The following SCARF2 variants were observed in gnomAD, a reference collection of about 807,000 sequenced individuals.
The protein encoded by SCARF2 is scavenger receptor class F member 2.
A neutral mutation model predicts 73.4 loss-of-function variants in SCARF2; 39 were observed. That is an observed-to-expected ratio of 0.53 (90% CI 0.41 to 0.69). The LOEUF is 0.69. SCARF2 is among the 30% of genes least tolerant of loss of function. The pLI is 0.00. For synonymous variants in SCARF2, 605 were observed against 590.0 expected (o/e 1.03, Z -0.37); for missense variants, 1,148 against 1,303.5 (o/e 0.88, Z 1.84).
In SCARF2 at chr22:20,437,580, AC is replaced by A; in HGVS notation, c.173+1del. 6.4e-7 allele frequency: 1 copy of A among 1,572,604 alleles called. No individual in the cohort carries two copies. Reference sequence around the variant, plus strand: ...CCCTCCCCCAGCCAGGCCGGCTCCTACCCGGGAGCACGGCACACGTTGCGGC... The same window carrying A: ...CCCTCCCCCAGCCAGGCCGGCTCCTACCGGGAGCACGGCACACGTTGCGGC... On this transcript the variant is annotated splice_donor_variant, in intron 1 of 10. Transcript: ENST00000622235. LOFTEE classifies it high-confidence loss of function.
At position 20,437,582 on chromosome 22, in the gene SCARF2, C is replaced by T; in HGVS notation, c.173G>A (p.Gly58Asp). ...CTCCCCCAGCCAGGCCGGCTCCTAC[C>T]CGGGAGCACGGCACACGTTGCGGCC... ...PRGRNVCRAP[G>D]SQVPTCCAGW... The change falls in exon 1 of 11, where the codon GGC (glycine) becomes GAC (aspartate). Residue 58 changes from glycine (G) to aspartate (D), a missense_variant and splice_region_variant. Transcript: ENST00000622235. 1 of 1,574,216 alleles carries T rather than the reference C, an allele frequency of 6.4e-7. No homozygotes were observed. The highest frequency in any genetic ancestry group is 2.0e-4 in the Middle Eastern group (1 of 4,880).
At position 20,430,912 on chromosome 22, in the gene SCARF2, G is replaced by C. The variant is rs1056874161; in HGVS notation, c.855-4C>G. On this transcript the variant is annotated splice_polypyrimidine_tract_variant and splice_region_variant and intron_variant, in intron 4 of 10. Transcript: ENST00000622235. ...CTGGCCCTTGCACTGGCCACACCTG[G>C]GGGAGGGGTCGGAGGCTAGGGAAGG... is the stretch of plus-strand genomic sequence containing the variant. The C allele has an allele frequency of 1.3e-6, 2 of 1,589,860 alleles. No individual in the cohort carries two copies. Among genetic ancestry groups the C allele is most frequent in the African/African-American group, 1.3e-5 (1 of 74,708 alleles).
chr22:20,437,733 C>G lies in SCARF2; in HGVS notation c.22G>C (p.Gly8Arg). The change falls in exon 1 of 11, where the codon GGG becomes CGG. Residue 8 changes from glycine (G) to arginine (R), a missense_variant. By Grantham distance (125) the Gly-to-Arg change is moderately radical (BLOSUM62 -2). This residue lies in a region of SCARF2 where 124 missense variants were observed against 120.4 expected (regional missense o/e 1.03). Coordinates refer to ENST00000622235, the MANE Select transcript of SCARF2 (RefSeq NM_182895.5). MEGAGPRGAGPARRRGAG... is the reference protein window; with the variant it reads MEGAGPRRAGPARRRGAG... ...CCCCGGCGCCGCGCCGGCCCGGCCC[C>G]CCGGGGCCCTGCGCCCTCCATGAGG... The G allele has an allele frequency of 8.0e-7, 1 of 1,249,480 alleles. No homozygotes were observed. The highest frequency in any genetic ancestry group is 3.8e-5 in the East Asian group (1 of 26,466). 77.4% of individuals were successfully genotyped at this position (1,249,480 alleles called of 1,614,324 possible). A position where few individuals can be genotyped will look rare whatever the true frequency, so the allele number is the denominator to read the frequency against.
chr22:20,425,316 T>G lies in SCARF2; in HGVS notation c.*59A>C. The G allele has an allele frequency of 7.8e-7, 1 of 1,286,546 alleles. No homozygotes were observed. Among genetic ancestry groups the G allele is most frequent in the Non-Finnish European group, 1.0e-6 (1 of 1,001,906 alleles). 79.7% of individuals were successfully genotyped at this position (1,286,546 alleles called of 1,614,324 possible). ...CCCGTGCCCGGTAGCGTGGGAGGTG[T>G]GGGGTGGCGGGCGGCGCTGCGAAGC... On this transcript the variant is annotated 3_prime_UTR_variant, in exon 11 of 11. Transcript: ENST00000622235. This position sits in a 1 kb window ranked among gnomAD's most constrained non-coding sequence, Gnocchi z 4.6.
At chr22:20,426,701 G>T (rs1037430224) in intron 10 of SCARF2, among the ~76,000 whole-genome samples, 1 of 151,966 alleles carries the variant, frequency 6.6e-6, no homozygotes, top group African/African-American at 2.4e-5. Flanking sequence ...TTGGGAGGCT[G>T]CGGTCACCTG....
intron 9 of SCARF2, among the ~76,000 whole-genome samples, chr22:20,428,755 A>G (rs2052608512): frequency 1.3e-5 from 2 of 150,646 alleles, no homozygotes; most frequent in Admixed American, 1.3e-4. Flanking sequence ...CCACCCCCCT[A>G]TCCTGTTGGT....
At position 20,437,679 on chromosome 22, in the gene SCARF2, G is replaced by T; in HGVS notation, c.76C>A (p.Pro26Thr). The T allele has an allele frequency of 1.3e-6, 2 of 1,490,150 alleles. No individual in the cohort carries two copies. Among genetic ancestry groups the T allele is most frequent in the Non-Finnish European group, 8.9e-7 (1 of 1,126,454 alleles). The allele number at this position is 1,490,150 out of a possible 1,614,324, so 92.3% of individuals were successfully genotyped here. The change falls in exon 1 of 11, where the codon CCG (proline) becomes ACG (threonine). Residue 26 changes from proline (P) to threonine (T), a missense_variant. Physicochemically the swap from Pro to Thr is conservative, Grantham distance 38. Around this residue, in one of 5 missense-constraint regions of SCARF2, gnomAD observed 124 missense variants for 120.4 expected, o/e 1.03. Transcript: ENST00000622235. ...AGCAGCAGCAGCAGCAGCAGCGACGGCAGCAGCGGTGACGGCGGCCCCCCG... is the reference window on the plus strand; with the variant it reads ...AGCAGCAGCAGCAGCAGCAGCGACGTCAGCAGCGGTGACGGCGGCCCCCCG... ...GAGGPPSPLL[P>T]SLLLLLLLWM...
Position 20,430,554 on chromosome 22 carries a change from G to C in SCARF2, c.1077C>G (p.Cys359Trp), listed in dbSNP as rs758545375. The C allele has an allele frequency of 6.2e-7, 1 of 1,611,688 alleles. No individual in the cohort carries two copies. Among genetic ancestry groups the C allele is most frequent in the Non-Finnish European group, 8.5e-7 (1 of 1,179,238 alleles). The change falls in exon 6 of 11, where the codon TGC (cysteine) becomes TGG (tryptophan). Residue 359 changes from cysteine to tryptophan, a missense_variant. Cys to Trp is a radical substitution (Grantham distance 215). Transcript: ENST00000622235. ...AAGTGCCATTGCTACACTTGGTCTC[G>C]CACCTTGGAAAGAGGGGAGGAGGCG... is the stretch of plus-strand genomic sequence containing the variant. ...RCNAGWIGDR[C>W]ETKCSNGTYG...
Position 20,426,272 on chromosome 22 carries a change from C to A in SCARF2, c.1704G>T (p.Ala568=). 3 of 1,534,140 alleles carry A rather than the reference C, an allele frequency of 2.0e-6. No individual in the cohort carries two copies. The highest frequency in any genetic ancestry group is 2.6e-6 in the Non-Finnish European group (3 of 1,146,674). The change falls in exon 11 of 11, where the codon GCG becomes GCT. Residue 568 remains alanine (A), a synonymous_variant. Transcript: ENST00000622235. ...VYCVPHEEAP[A]ESRDPEVPTV... ...TGGGGACTTCGGGGTCCCGGCTCTC[C>A]GCTGGTGCCTCTGGCAAGGGAAGAG... is the stretch of plus-strand genomic sequence containing the variant.
At chr22:20,431,664 G>C (rs1178524473) in intron 3 of SCARF2, 81 bp downstream of exon 3, 6 of 1,530,292 alleles carry the variant, frequency 3.9e-6, no homozygotes, top group Non-Finnish European at 5.3e-6. Context: ...AGGCGGATCC[G>C]ACCCCGCCCC....
rs1353849010 is a variant in SCARF2, at chr22:20,429,394, G to T, written c.1425-54C>A. 6.5e-5 allele frequency: 101 copies of T among 1,559,354 alleles called. No individual in the cohort carries two copies. Among genetic ancestry groups the T allele is most frequent in the Non-Finnish European group, 8.6e-5 (99 of 1,152,460 alleles). ...CGGGGCCGGGGCGGGGCCCAGGGGCGATTAGATCTCGGCCGGAGCCAAGCA... is the reference window on the plus strand; with the variant it reads ...CGGGGCCGGGGCGGGGCCCAGGGGCTATTAGATCTCGGCCGGAGCCAAGCA... On this transcript the variant is annotated intron_variant, in intron 8 of 10. Transcript: ENST00000622235. The surrounding 1 kb of genome is among the most constrained non-coding windows in gnomAD (Gnocchi z 5.2).
At chr22:20,430,340 G>C (rs1023992155) in intron 6 of SCARF2, 89 bp downstream of exon 6, 140 of 1,463,336 alleles carry the variant, frequency 9.6e-5, no homozygotes, top group Non-Finnish European at 1.2e-4. Context: ...TGATAACCCA[G>C]CTCAGGGTGG....
chr22:20,428,323 T>C (rs2052603878), intron 9 of SCARF2, among the ~76,000 whole-genome samples: 1 of 151,656 alleles, frequency 6.6e-6, no homozygotes, highest in African/African-American at 2.4e-5. Flanking sequence ...GTTTTGCTCT[T>C]GTTGCCCAGG....
rs200914272 is a variant in SCARF2, at chr22:20,429,528, G to A, written c.1424+8C>T. The A allele has an allele frequency of 6.2e-7, 1 of 1,612,026 alleles. No homozygotes were observed. Among genetic ancestry groups the A allele is most frequent in the Admixed American group, 1.7e-5 (1 of 59,946 alleles). On this transcript the variant is annotated splice_region_variant and intron_variant, in intron 8 of 10. Coordinates refer to ENST00000622235, the MANE Select transcript of SCARF2 (RefSeq NM_182895.5). The surrounding 1 kb of genome is among the most constrained non-coding windows in gnomAD (Gnocchi z 5.2). The stretch of plus-strand genomic sequence containing the variant: ...CCCAGGCGAAAGCGGGGCAGTATCT[G>A]GGCTCACCGGCGCGTAGGGTCCTTG...
At position 20,431,048 on chromosome 22, in the gene SCARF2, G is replaced by C; in HGVS notation, c.824C>G (p.Ala275Gly). The C allele has an allele frequency of 6.4e-7, 1 of 1,566,334 alleles. No individual in the cohort carries two copies. Among genetic ancestry groups the C allele is most frequent in the Non-Finnish European group, 8.6e-7 (1 of 1,164,024 alleles). ...RGKYCREPCP[A>G]GFYGLGCRRR... ...GCGACAGCCCAAGCCGTAGAAGCCG[G>C]CGGGGCACGGCTCGCGACAGTACTT... Residue 275 changes from alanine (A) to glycine (G), a missense_variant, in exon 4 of 11, where the codon GCC becomes GGC. Ala to Gly is a moderately conservative substitution (Grantham distance 60). This residue lies in a region of SCARF2 where 372 missense variants were observed against 532.0 expected (regional missense o/e 0.70). Transcript: ENST00000622235.
rs754177241 is a variant in SCARF2 at position 20,429,516 on chromosome 22, G to C, written c.1424+20C>G. The C allele has an allele frequency of 3.1e-6, 5 of 1,611,086 alleles. No individual in the cohort carries two copies. The South Asian group carries it at 3.3e-5, about 11-fold the overall frequency. Reference sequence around the variant, plus strand: ...GTGCGGCCTGAACCCAGGCGAAAGCGGGGCAGTATCTGGGCTCACCGGCGC... The same window carrying C: ...GTGCGGCCTGAACCCAGGCGAAAGCCGGGCAGTATCTGGGCTCACCGGCGC... On this transcript the variant is annotated intron_variant, in intron 8 of 10. Coordinates refer to ENST00000622235, the MANE Select transcript of SCARF2 (RefSeq NM_182895.5). This position sits in a 1 kb window ranked among gnomAD's most constrained non-coding sequence, Gnocchi z 5.2.
rs1409335146 is a variant in SCARF2, at chr22:20,426,049, G to C, written c.1927C>G (p.Leu643Val). The change falls in exon 11 of 11, where the codon CTG becomes GTG. Residue 643 changes from leucine (L) to valine (V), a missense_variant. Transcript: ENST00000622235. ...PARARGEIGG[L>V]SLSPSPERRK... ...CGCTCGGGCGATGGCGACAGCGACA[G>C]GCCCCCAATCTCGCCCCGGGCCCGG... is the stretch of plus-strand genomic sequence containing the variant. The C allele has an allele frequency of 6.3e-7, 1 of 1,574,914 alleles. No homozygotes were observed. Among genetic ancestry groups the C allele is most frequent in the Non-Finnish European group, 8.6e-7 (1 of 1,169,290 alleles).
In SCARF2 at chr22:20,429,693, C is replaced by T. The variant is rs760565659; in HGVS notation, c.1306+37G>A. Reference sequence around the variant, plus strand: ...GGGGTCAGCGCGGTTTCTGGCACCCCCTGCATTCCTTAACGGGACGCCCCT... The same window carrying T: ...GGGGTCAGCGCGGTTTCTGGCACCCTCTGCATTCCTTAACGGGACGCCCCT... On this transcript the variant is annotated intron_variant, in intron 7 of 10. Transcript: ENST00000622235. The surrounding 1 kb of genome is among the most constrained non-coding windows in gnomAD (Gnocchi z 5.2). The T allele has an allele frequency of 1.9e-6, 3 of 1,613,990 alleles. No homozygotes were observed. The highest frequency in any genetic ancestry group is 2.5e-6 in the Non-Finnish European group (3 of 1,179,926).
In SCARF2 at chr22:20,431,945, C is replaced by G; in HGVS notation, c.217G>C (p.Asp73His). 1 of 1,610,900 alleles carries G rather than the reference C, an allele frequency of 6.2e-7. No individual in the cohort carries two copies. The highest frequency in any genetic ancestry group is 1.3e-5 in the African/African-American group (1 of 74,840). ...ACCCACTCACCAATCCCACACTCGT[C>G]CCCTTGCTGCCTCCAGCCAGCGCAG... ...TCCAGWRQQG[D>H]ECGIAVCEGN... The change falls in exon 2 of 11, where the codon GAC becomes CAC. Residue 73 changes from aspartate to histidine, a missense_variant. Asp to His is a moderately conservative substitution (Grantham distance 81). Transcript: ENST00000622235.
Sources: allele counts gnomAD v4.1 joint callset (sites outside exome capture counted in the v4.1 genomes callset), GRCh38; gene constraint gnomAD v4.1.1; regional missense constraint gnomAD v4.1.1; non-coding constraint Gnocchi (gnomAD v3.1); transcripts MANE v1.5; gene names NCBI Gene and HGNC (gene_info 2026-07-23, HGNC 2026-07-21).